Variants in TMBIM1 observed in about 807,000 individuals in gnomAD.
TMBIM1 encodes the protein protein lifeguard 3.
In TMBIM1, 34 loss-of-function variants were observed where a neutral mutation model predicts 45.1. That is an observed-to-expected ratio of 0.75 (90% CI 0.57 to 1.00). The LOEUF (loss-of-function observed/expected upper bound fraction) is 1.00. Ranked by LOEUF, TMBIM1 falls within the 50% of genes least tolerant of loss-of-function variation. The probability of loss-of-function intolerance (pLI) is 0.00; values close to 1 mark genes in which losing one functional copy is unlikely to be tolerated. For missense variants in TMBIM1, 374 were observed against 402.4 expected (o/e 0.93, Z 0.60); for synonymous variants, 157 against 153.5 (o/e 1.02, Z -0.17).
Position 218,279,016 on chromosome 2 carries a change from CCA to C in TMBIM1, c.422+20_422+21del. 6.2e-7 allele frequency: 1 copy of C among 1,613,960 alleles called. No individual in the cohort carries two copies. Among genetic ancestry groups the C allele is most frequent in the Non-Finnish European group, 8.5e-7 (1 of 1,179,862 alleles). On this transcript the variant is annotated intron_variant, in intron 5 of 11. Transcript: ENST00000258412. ...CTGCCACCCCTGCCTCCCTGCCCAA[CCA>C]CAGAGGAGCACACACTCACTAGGAC... is the stretch of plus-strand genomic sequence containing the variant.
At chr2:218,277,504 G>A in intron 8 of TMBIM1, 51 bp from the exon 9 acceptor site, 1 of 1,608,958 alleles carries the variant, frequency 6.2e-7, no homozygotes, top group Non-Finnish European at 8.5e-7. Context: ...ACGTATGAAT[G>A]ACTTCAAAAT....
intron 1 of TMBIM1, among the ~76,000 whole-genome samples, chr2:218,283,098 C>G (rs1257018839): frequency 6.6e-6 from 1 of 152,152 alleles, no homozygotes; most frequent in Non-Finnish European, 1.5e-5. Context: ...GGACAAAGAG[C>G]TGAGGAGTCA....
Position 218,281,838 on chromosome 2 carries a change from T to C in TMBIM1, c.202+102A>G. ...CTCAACAGAGAAGATGAGAAAGGGA[T>C]TTAAGGGAAACTAGAAGAGAAAAGG... On this transcript the variant is annotated intron_variant, in intron 2 of 11. Transcript: ENST00000258412. 3 of 942,072 alleles carry C rather than the reference T, an allele frequency of 3.2e-6. No individual in the cohort carries two copies. In the South Asian group the frequency reaches 4.4e-5, roughly 14 times the overall value. The allele number at this position is 942,072 out of a possible 1,614,324, so 58.4% of individuals were successfully genotyped here.
intron 11 of TMBIM1, 95 bp from the exon 12 acceptor site, chr2:218,275,716 CA>C: frequency 1.4e-6 from 2 of 1,448,730 alleles, no homozygotes; most frequent in Non-Finnish European, 1.9e-6. Flanking sequence ...CTATGCGCCA[CA>C]CAGTGCTTAG....
chr2:218,277,055 A>G lies in TMBIM1; in HGVS notation c.684T>C (p.Ile228=), dbSNP rs115171026. ...SCTGLFCVLG[I]VLLVTGIVTS... ...TGACAATCCCAGTCACCAGGAGCAC[A>G]ATTCCCAGGACACAGAAGAGGCCTG... The change falls in exon 10 of 12, where the codon ATT becomes ATC. Residue 228 remains isoleucine, a synonymous_variant. Coordinates refer to ENST00000258412, the MANE Select transcript of TMBIM1 (RefSeq NM_022152.6). 80 of 1,614,180 alleles carry G rather than the reference A, an allele frequency of 5.0e-5. No homozygotes were observed. In the African/African-American group the frequency reaches 8.8e-4, roughly 18 times the overall value.
intron 2 of TMBIM1, chr2:218,280,347 C>G (rs1342610058): frequency 2.0e-6 from 1 of 493,080 alleles, no homozygotes; most frequent in East Asian, 3.8e-5. Flanking sequence ...TCACGTGCAT[C>G]TGTGGAGGGC....
chr2:218,279,630 G>T, intron 3 of TMBIM1: 1 of 489,116 alleles, frequency 2.0e-6, no homozygotes, highest in Non-Finnish European at 3.6e-6. Flanking sequence ...TATGGCCTCT[G>T]CACTCCCAGC....
intron 11 of TMBIM1, 125 bp from the exon 12 acceptor site, chr2:218,275,746 C>T (rs947257961): frequency 8.4e-7 from 1 of 1,189,950 alleles, no homozygotes; most frequent in Non-Finnish European, 1.2e-6. Flanking sequence ...TAACGCACAG[C>T]ATAACATATG....
At chr2:218,282,262 C>G in intron 1 of TMBIM1, 81 bp from the exon 2 acceptor site, 1 of 814,206 alleles carries the variant, frequency 1.2e-6, no homozygotes, top group Non-Finnish European at 1.8e-6. Flanking sequence ...CCAGCCTTGT[C>G]CAGGCTGCCT....
At chr2:218,283,645 C>T (rs1040708206) in intron 1 of TMBIM1, among the ~76,000 whole-genome samples, 3 of 152,186 alleles carry the variant, frequency 2.0e-5, no homozygotes, top group Admixed American at 1.3e-4. Flanking sequence ...GAGAGACCAG[C>T]GTCTCTTTTT....
At chr2:218,282,261 T>A in intron 1 of TMBIM1, 80 bp from the exon 2 acceptor site, 1 of 823,462 alleles carries the variant, frequency 1.2e-6, no homozygotes, top group Non-Finnish European at 1.8e-6. Flanking sequence ...TCCAGCCTTG[T>A]CCAGGCTGCC....
chr2:218,277,856 A>C, intron 7 of TMBIM1, 79 bp downstream of exon 7: 1 of 1,597,562 alleles, frequency 6.3e-7, no homozygotes, highest in South Asian at 1.1e-5. Context: ...CATCCTTCTG[A>C]AATGGGTCCC....
chr2:218,277,821 G>A, intron 7 of TMBIM1, 114 bp downstream of exon 7: 4 of 1,552,772 alleles, frequency 2.6e-6, no homozygotes, highest in Non-Finnish European at 3.5e-6. Context: ...AGGCGGCCCA[G>A]ATAAGGTGGA....
chr2:218,277,686 AGAC>A lies in TMBIM1; in HGVS notation c.514-19_514-17del. The A allele has an allele frequency of 6.2e-7, 1 of 1,614,136 alleles. No homozygotes were observed. The highest frequency in any genetic ancestry group is 8.5e-7 in the Non-Finnish European group (1 of 1,179,992). The stretch of plus-strand genomic sequence containing the variant: ...TGGCAAAAGTCTAAGGGAAGGAGAG[AGAC>A]AAGAATGAAACACTTAAAAAGGAAG... On this transcript the variant is annotated splice_polypyrimidine_tract_variant and intron_variant, in intron 7 of 11. Coordinates refer to ENST00000258412, the MANE Select transcript of TMBIM1 (RefSeq NM_022152.6).
intron 1 of TMBIM1, among the ~76,000 whole-genome samples, chr2:218,284,599 A>G (rs558316895): frequency 2.7e-4 from 41 of 152,330 alleles, no homozygotes; most frequent in African/African-American, 9.9e-4. Flanking sequence ...TTTCAGAAGC[A>G]TGTGCTAGTA....
chr2:218,281,988 C>G lies in TMBIM1; in HGVS notation c.154G>C (p.Gly52Arg). The G allele has an allele frequency of 6.2e-7, 1 of 1,606,710 alleles. No homozygotes were observed. Among genetic ancestry groups the G allele is most frequent in the Non-Finnish European group, 8.5e-7 (1 of 1,177,660 alleles). Residue 52 changes from glycine (G) to arginine (R), a missense_variant, in exon 2 of 12, where the codon GGC (glycine) becomes CGC (arginine). Transcript: ENST00000258412. ...GTGGGGGGCATGGGCTGTGGGTAGC[C>G]AGCAGGGTGACCGTAGCCAGGCTGC... ...YPQPGYGHPA[G>R]YPQPMPPTHP... is the part of the protein sequence containing the mutation.
At chr2:218,281,821 A>G (rs1692033070) in intron 2 of TMBIM1, 119 bp downstream of exon 2, 4 of 869,470 alleles carry the variant, frequency 4.6e-6, no homozygotes, top group Non-Finnish European at 7.3e-6. Flanking sequence ...ATCTCAACAG[A>G]GAAGATGAGA....
chr2:218,275,420 G>A lies in TMBIM1; in HGVS notation c.*55C>T, dbSNP rs1293223927. On this transcript the variant is annotated 3_prime_UTR_variant, in exon 12 of 12. Coordinates refer to ENST00000258412, the MANE Select transcript of TMBIM1 (RefSeq NM_022152.6). ...GCCCAGACCACAGTCATAGGGCCCA[G>A]CCCTCTAGCTTGGAAGGGAGAGCCC... The A allele has an allele frequency of 3.2e-6, 5 of 1,576,798 alleles. No homozygotes were observed. The highest frequency in any genetic ancestry group is 4.3e-6 in the Non-Finnish European group (5 of 1,162,576).
intron 10 of TMBIM1, among the ~76,000 whole-genome samples, chr2:218,276,522 G>A (rs1691228271): frequency 6.6e-6 from 1 of 152,126 alleles, no homozygotes; most frequent in Non-Finnish European, 1.5e-5. Context: ...GCCCACAGGT[G>A]GCCGTCCACA....
Sources: gnomAD v4.1 joint callset for allele counts (sites outside exome capture counted in the v4.1 genomes callset) on GRCh38, gnomAD v4.1.1 for gene constraint, MANE v1.5 for transcripts, NCBI Gene and HGNC (gene_info 2026-07-23, HGNC 2026-07-21) for gene names.